MYO3A: variants seen among roughly 807,000 people sequenced by gnomAD.
The protein encoded by MYO3A is myosin-IIIa.
In MYO3A, 180 loss-of-function variants were observed where a neutral mutation model predicts 192.7. That is an observed-to-expected ratio of 0.93 (90% CI 0.83 to 1.06). The LOEUF is 1.06. Among genes scored for constraint, MYO3A ranks in the 50% least tolerant of loss-of-function variants. The pLI is 0.00. For synonymous variants in MYO3A, 628 were observed against 645.3 expected (o/e 0.97, Z 0.41); for missense variants, 1,896 against 1,905.0 (o/e 1.00, Z 0.09).
At chr10:26,184,070 G>T (rs546656855) in intron 31 of MYO3A, among the ~76,000 whole-genome samples, 3 of 152,300 alleles carry the variant, frequency 2.0e-5, no homozygotes, top group South Asian at 4.1e-4. Flanking sequence ...AAGAGAGAGA[G>T]AATTGAACAT....
intron 4 of MYO3A, among the ~76,000 whole-genome samples, chr10:25,988,752 A>C (rs1230044056): frequency 6.6e-6 from 1 of 152,126 alleles, no homozygotes; most frequent in East Asian, 1.9e-4. Flanking sequence ...AAAAAAAAGG[A>C]ATTAAAAAAC....
chr10:25,976,003 A>G (rs535310356), intron 4 of MYO3A, among the ~76,000 whole-genome samples: 28 of 152,338 alleles, frequency 1.8e-4, no homozygotes, highest in Admixed American at 1.3e-3. Flanking sequence ...AATATGTTCA[A>G]AATCTTTAGT....
rs1382684096 is a variant in MYO3A at position 26,070,413 on chromosome 10, T to A, written c.1359+12T>A. On this transcript the variant is annotated intron_variant, in intron 14 of 34. Transcript: ENST00000642920. ...CAGTGCTTGGAAAGGTATAATTTAT[T>A]TTTTTCTCTGTCCCATCAGAAATAT... 1 of 1,604,914 alleles carries A rather than the reference T, an allele frequency of 6.2e-7. No individual in the cohort carries two copies. Among genetic ancestry groups the A allele is most frequent in the East Asian group, 2.2e-5 (1 of 44,730 alleles).
At chr10:26,060,116 G>A (rs1015693998) in intron 10 of MYO3A, among the ~76,000 whole-genome samples, 12 of 152,158 alleles carry the variant, frequency 7.9e-5, no homozygotes, top group East Asian at 5.8e-4. Flanking sequence ...AAAATTAGCC[G>A]AGTATGGTGG....
rs746208439 is a variant in MYO3A at position 26,128,546 on chromosome 10, T to C, written c.2262+8T>C. ...GTGTTTGCATGGGAACAGGTAAGTCTAAGTACTTACTATAAATATGCATGC... is the reference window on the plus strand; with the variant it reads ...GTGTTTGCATGGGAACAGGTAAGTCCAAGTACTTACTATAAATATGCATGC... On this transcript the variant is annotated splice_region_variant and intron_variant, in intron 20 of 34. Coordinates refer to ENST00000642920, the MANE Select transcript of MYO3A (RefSeq NM_017433.5). 3.1e-6 allele frequency: 5 copies of C among 1,603,622 alleles called. No individual in the cohort carries two copies. The highest frequency in any genetic ancestry group is 4.3e-6 in the Non-Finnish European group (5 of 1,172,296).
At chr10:26,055,954 G>A (rs762374105) in intron 10 of MYO3A, among the ~76,000 whole-genome samples, 5 of 152,144 alleles carry the variant, frequency 3.3e-5, no homozygotes, top group African/African-American at 4.8e-5. Flanking sequence ...AAATTACAAG[G>A]CATACTAACA....
chr10:26,211,906 C>G lies in MYO3A; in HGVS notation c.4794C>G (p.Asp1598Glu). The G allele has an allele frequency of 1.2e-6, 2 of 1,614,074 alleles. No homozygotes were observed. Among genetic ancestry groups the G allele is most frequent in the African/African-American group, 1.3e-5 (1 of 75,040 alleles). ...EEREPAANPY[D>E]FRRLLRKTSQ... is the part of the protein sequence containing the mutation. ...GAGAGCCAGCAGCCAACCCCTACGA[C>G]TTCAGGAGGCTCCTGCGCAAAACCT... is the stretch of plus-strand genomic sequence containing the variant. The change falls in exon 35 of 35, where the codon GAC becomes GAG. Residue 1598 changes from aspartate to glutamate, a missense_variant. Coordinates refer to ENST00000642920, the MANE Select transcript of MYO3A (RefSeq NM_017433.5).
At chr10:26,209,309 T>A (rs1044064623) in intron 34 of MYO3A, among the ~76,000 whole-genome samples, 2 of 152,176 alleles carry the variant, frequency 1.3e-5, no homozygotes, top group African/African-American at 4.8e-5. Flanking sequence ...CTTGAATGTT[T>A]GTTCTCTTTA....
intron 1 of MYO3A, among the ~76,000 whole-genome samples, chr10:25,935,275 C>T (rs959595843): frequency 1.3e-5 from 2 of 152,206 alleles, no homozygotes; most frequent in Non-Finnish European, 2.9e-5. Context: ...CAGCTCTGTT[C>T]TGTTCTCCAA....
intron 32 of MYO3A, among the ~76,000 whole-genome samples, chr10:26,199,902 A>C (rs1843605042): frequency 6.6e-6 from 1 of 152,198 alleles, no homozygotes; most frequent in South Asian, 2.1e-4. Flanking sequence ...CCTCTGTAGG[A>C]AACTACTACT....
rs188602439 is a variant in MYO3A, at chr10:26,027,005, C to A, written c.953+473C>A. 3.9e-5 allele frequency among the ~76,000 whole-genome samples: 6 copies of A among 152,260 alleles called. No individual in the cohort carries two copies. In the East Asian group the frequency reaches 1.2e-3, roughly 29 times the overall value. On this transcript the variant is annotated intron_variant, in intron 10 of 34. Coordinates refer to ENST00000642920, the MANE Select transcript of MYO3A (RefSeq NM_017433.5). ...GTGACAGGCTGCACTTTTTAAACAA[C>A]TTTGTAAGAACAAAGAATGTAAACT...
At chr10:26,107,231 C>T (rs978694339) in intron 17 of MYO3A, among the ~76,000 whole-genome samples, 1 of 152,204 alleles carries the variant, frequency 6.6e-6, no homozygotes, top group African/African-American at 2.4e-5. Context: ...CCTGTAATCC[C>T]AGCACTTTGG....
chr10:26,140,200 A>ACCTGG (rs1840069519), intron 20 of MYO3A, among the ~76,000 whole-genome samples: 1 of 152,200 alleles, frequency 6.6e-6, no homozygotes, highest in Non-Finnish European at 1.5e-5. Flanking sequence ...GGACGCTTGC[A>ACCTGG]GCCTGTCTCA....
intron 31 of MYO3A, among the ~76,000 whole-genome samples, chr10:26,178,027 C>T (rs1390146075): frequency 1.3e-5 from 2 of 152,216 alleles, no homozygotes; most frequent in African/African-American, 4.8e-5. Flanking sequence ...TGAGAGCCTC[C>T]TGCTGTGAAG....
intron 2 of MYO3A, among the ~76,000 whole-genome samples, chr10:25,947,389 C>CTTTTTT (rs869281200): frequency 8.2e-3 from 747 of 91,560 alleles, no homozygotes; most frequent in Non-Finnish European, 8.9e-3. Context: ...TTTTCTTTTT[C>CTTTTTT]TTTTTTTTTT....
intron 34 of MYO3A, among the ~76,000 whole-genome samples, chr10:26,209,910 C>T (rs1844147002): frequency 6.6e-6 from 1 of 152,012 alleles, no homozygotes; most frequent in African/African-American, 2.4e-5. Context: ...GCCGGGGTAA[C>T]ATTAGTGGGA....
chr10:26,094,376 T>G (rs866717991), intron 15 of MYO3A, among the ~76,000 whole-genome samples: 1 of 152,058 alleles, frequency 6.6e-6, no homozygotes, highest in South Asian at 2.1e-4. Context: ...GAGTTACTGT[T>G]GATTCTGAGG....
At chr10:26,024,458 C>T (rs191641944) in intron 9 of MYO3A, among the ~76,000 whole-genome samples, 39 of 152,206 alleles carry the variant, frequency 2.6e-4, no homozygotes, top group African/African-American at 9.1e-4. Flanking sequence ...GGCATTTAGC[C>T]TGTTTACATT....
chr10:26,080,910 A>T (rs1009947353), intron 14 of MYO3A, among the ~76,000 whole-genome samples: 12 of 152,076 alleles, frequency 7.9e-5, no homozygotes, highest in African/African-American at 2.7e-4. Flanking sequence ...TAAACCATCT[A>T]TGGGTCTCTC....
Sources: gnomAD v4.1 joint callset for allele counts (sites outside exome capture counted in the v4.1 genomes callset) on GRCh38, gnomAD v4.1.1 for gene constraint, MANE v1.5 for transcripts, NCBI Gene and HGNC (gene_info 2026-07-23, HGNC 2026-07-21) for gene names.